The following SPG11 variants were observed in gnomAD, a reference collection of about 807,000 sequenced individuals.
The protein encoded by SPG11 is spatacsin.
In SPG11, 222 loss-of-function variants were observed where a neutral mutation model predicts 274.0. The observed-to-expected ratio is 0.81, with a 90% CI of 0.73 to 0.91. The LOEUF is 0.91. Among genes scored for constraint, SPG11 ranks in the 40% least tolerant of loss-of-function variants. The pLI, the probability that SPG11 is intolerant of heterozygous loss-of-function variation, is 0.00. For synonymous variants in SPG11, 1,144 were observed against 1,039.7 expected, an observed-to-expected ratio of 1.10 and a Z score of -1.93; for missense variants, 3,114 against 2,872.7, an observed-to-expected ratio of 1.08 and a Z score of -1.92.
At position 44,591,851 on chromosome 15, in the gene SPG11, T is replaced by C. The variant is rs2082906804; in HGVS notation, c.4743+480A>G. Among the ~76,000 whole-genome samples, 3 of 152,150 alleles carry C rather than the reference T, an allele frequency of 2.0e-5. No homozygotes were observed. The South Asian group carries it at 6.2e-4, about 32-fold the overall frequency. ...ATGATCGGGTGCAGTGGCTTACGCC[T>C]GTAATCCCAGCACTTCAGGAGGCTG... On this transcript the variant is annotated intron_variant, in intron 27 of 39. Coordinates refer to ENST00000261866, the MANE Select transcript of SPG11 (RefSeq NM_025137.4).
intron 28 of SPG11, 133 bp downstream of exon 28, chr15:44,589,119 C>CT: frequency 1.2e-6 from 1 of 843,840 alleles, no homozygotes; most frequent in Non-Finnish European, 1.9e-6. Flanking sequence ...TTCTCTGTAA[C>CT]TTGTTTACTC....
chr15:44,657,008 T>TAAA, intron 4 of SPG11, 87 bp downstream of exon 4: 40 of 998,474 alleles, frequency 4.0e-5, no homozygotes, highest in Non-Finnish European at 5.1e-5. Context: ...AAACACTAGT[T>TAAA]AAAAAAAAAA....
chr15:44,629,254 C>A lies in SPG11; in HGVS notation c.1870G>T (p.Glu624Ter). Residue 624 changes from glutamate to a stop codon, truncating the protein, a stop_gained, in exon 9 of 40, where the codon GAG (glutamate) becomes TAG (stop). Coordinates refer to ENST00000261866, the MANE Select transcript of SPG11 (RefSeq NM_025137.4). LOFTEE classifies it high-confidence loss of function. ...TLSFLNNQIKELFIHTEELDE... is the reference protein window; with the variant it reads ...TLSFLNNQIK Reference sequence around the variant, plus strand: ...TTACCTTCAGTGTGAATGAAAAGCTCCTTTATTTGGTTGTTAAGGAAAGAC... The same window carrying A: ...TTACCTTCAGTGTGAATGAAAAGCTACTTTATTTGGTTGTTAAGGAAAGAC... 1 of 1,614,068 alleles carries A rather than the reference C, an allele frequency of 6.2e-7. No individual in the cohort carries two copies. The highest frequency in any genetic ancestry group is 1.1e-5 in the South Asian group (1 of 91,078).
chr15:44,616,421 C>T (rs575519086), intron 15 of SPG11, among the ~76,000 whole-genome samples: 25 of 152,202 alleles, frequency 1.6e-4, no homozygotes, highest in African/African-American at 6.0e-4. Context: ...TGGTCTTGAA[C>T]TCCTGGACTC....
chr15:44,663,544 G>T lies in SPG11; in HGVS notation c.104C>A (p.Ala35Asp). The T allele has an allele frequency of 1.9e-6, 3 of 1,597,492 alleles. No individual in the cohort carries two copies. The highest frequency in any genetic ancestry group is 2.6e-6 in the Non-Finnish European group (3 of 1,173,194). ...VLPMLLVPVP[A>D]EAMGQLGSRA... Reference sequence around the variant, plus strand: ...GGAGCCGAGCTGCCCCATCGCCTCGGCGGGGACTGGCACCAACAGCATCGG... The same window carrying T: ...GGAGCCGAGCTGCCCCATCGCCTCGTCGGGGACTGGCACCAACAGCATCGG... The change falls in exon 1 of 40, where the codon GCC (alanine) becomes GAC (aspartate). Residue 35 changes from alanine (A) to aspartate (D), a missense_variant. Ala to Asp is a moderately radical substitution (Grantham distance 126). Transcript: ENST00000261866.
chr15:44,575,604 C>T (rs1463169857), intron 30 of SPG11, among the ~76,000 whole-genome samples: 2 of 151,172 alleles, frequency 1.3e-5, no homozygotes, highest in Non-Finnish European at 2.9e-5. Context: ...AATAGATTCT[C>T]GTGCCTCAGC....
chr15:44,602,688 T>G (rs1183904490), intron 20 of SPG11, among the ~76,000 whole-genome samples: 2 of 152,080 alleles, frequency 1.3e-5, no homozygotes, highest in African/African-American at 2.4e-5. Flanking sequence ...TTCACCGTGT[T>G]AGCCAGGATG....
intron 7 of SPG11, among the ~76,000 whole-genome samples, chr15:44,636,895 C>T (rs965646740): frequency 6.9e-5 from 8 of 115,714 alleles, no homozygotes; most frequent in South Asian, 5.8e-4. Context: ...CATTGCACTC[C>T]GGTGTGGGCA....
chr15:44,619,875 C>T (rs889379106), intron 15 of SPG11, among the ~76,000 whole-genome samples: 4 of 151,862 alleles, frequency 2.6e-5, no homozygotes, highest in African/African-American at 9.7e-5. Flanking sequence ...CGGCATTATG[C>T]CTGGCTAATT....
rs754536969 is a variant in SPG11 at position 44,589,354 on chromosome 15, C to A, written c.4804G>T (p.Val1602Leu). ...VIPAMWLEDQ[V>L]CFLLKLMLQQ... is the part of the protein sequence containing the mutation. ...AGCATAAGCTTCAAAAGGAAACACA[C>A]CTGATCCTCCAGCCACATGGCAGGG... Residue 1602 changes from valine to leucine, a missense_variant, in exon 28 of 40, where the codon GTG becomes TTG. Physicochemically the swap from Val to Leu is conservative, Grantham distance 32 (BLOSUM62 1). Transcript: ENST00000261866. 2.5e-6 allele frequency: 4 copies of A among 1,614,154 alleles called. No individual in the cohort carries two copies. The East Asian group carries it at 8.9e-5, about 36-fold the overall frequency.
Position 44,657,160 on chromosome 15 carries a change from G to A in SPG11, c.804C>T (p.Leu268=), listed in dbSNP as rs767184353. The A allele has an allele frequency of 6.2e-7, 1 of 1,614,188 alleles. No individual in the cohort carries two copies. The highest frequency in any genetic ancestry group is 8.5e-7 in the Non-Finnish European group (1 of 1,180,026). ...SFTSLKVSQD[L]DVAVIVSSSN... is the part of the protein sequence containing the mutation. ...AGGAGCTGACAATCACTGCAACATC[G>A]AGGTCTTGAGAAACTTTCAGTGAAG... Residue 268 remains leucine (L), a synonymous_variant, in exon 4 of 40, where the codon CTC becomes CTT. Transcript: ENST00000261866.
chr15:44,575,087 G>A (rs780200553), intron 30 of SPG11, 46 bp from the exon 31 acceptor site: 2 of 1,610,898 alleles, frequency 1.2e-6, no homozygotes, highest in South Asian at 2.2e-5. Context: ...GGGAGGTTCT[G>A]GCCTCTCCCT....
chr15:44,659,181 T>C lies in SPG11; in HGVS notation c.565A>G (p.Asn189Asp). The C allele has an allele frequency of 6.2e-7, 1 of 1,614,230 alleles. No individual in the cohort carries two copies. Among genetic ancestry groups the C allele is most frequent in the Non-Finnish European group, 8.5e-7 (1 of 1,180,028 alleles). ...GCAGGCAAGGGAAGTGTGAAACAGT[T>C]GAGTACTCTAATTGCAGCATCTCTT... The part of the protein sequence containing the change: ...PERDAAIRVL[N>D]CFTLPLPAQA... The change falls in exon 3 of 40, where the codon AAC becomes GAC. Residue 189 changes from asparagine (N) to aspartate (D), a missense_variant. Coordinates refer to ENST00000261866, the MANE Select transcript of SPG11 (RefSeq NM_025137.4).
intron 11 of SPG11, 48 bp downstream of exon 11, chr15:44,626,283 G>C: frequency 6.8e-7 from 1 of 1,479,030 alleles, no homozygotes; most frequent in Non-Finnish European, 9.2e-7. Flanking sequence ...ATAATAACTA[G>C]AAATTATATT....
At chr15:44,640,881 C>A (rs2084419742) in intron 7 of SPG11, among the ~76,000 whole-genome samples, 1 of 152,126 alleles carries the variant, frequency 6.6e-6, no homozygotes, top group Non-Finnish European at 1.5e-5. Context: ...CAGGTGTGCA[C>A]CACCATGCCC....
At chr15:44,634,878 C>T (rs1176766825) in intron 7 of SPG11, among the ~76,000 whole-genome samples, 1 of 152,124 alleles carries the variant, frequency 6.6e-6, no homozygotes, top group Admixed American at 6.5e-5. Flanking sequence ...TCGCACCTGG[C>T]TGCATTCTAT....
Position 44,567,448 on chromosome 15 carries a change from T to C in SPG11, c.6730A>G (p.Lys2244Glu). 1 of 1,613,902 alleles carries C rather than the reference T, an allele frequency of 6.2e-7. No homozygotes were observed. Among genetic ancestry groups the C allele is most frequent in the Non-Finnish European group, 8.5e-7 (1 of 1,179,972 alleles). ...NHEAAARIQL[K>E]LIESQPWEDS... ...CCCCAGGGCTGAGACTCAATCAATT[T>C]CAGTTGGATGCGGGCAGCTGCCTCG... The change falls in exon 36 of 40, where the codon AAA (lysine) becomes GAA (glutamate). Residue 2244 changes from lysine (K) to glutamate (E), a missense_variant. Physicochemically the swap from Lys to Glu is moderately conservative, Grantham distance 56 (BLOSUM62 1). Coordinates refer to ENST00000261866, the MANE Select transcript of SPG11 (RefSeq NM_025137.4).
chr15:44,642,373 A>AG (rs2084477618), intron 7 of SPG11, among the ~76,000 whole-genome samples: 1 of 150,244 alleles, frequency 6.7e-6, no homozygotes, highest in Non-Finnish European at 1.5e-5. Flanking sequence ...TCAAAAAAAA[A>AG]AAAAAGAAAA....
intron 7 of SPG11, among the ~76,000 whole-genome samples, chr15:44,636,812 G>A (rs2084269039): frequency 6.6e-6 from 1 of 151,348 alleles, no homozygotes; most frequent in Non-Finnish European, 1.5e-5. Flanking sequence ...TGTAATCCCA[G>A]CTACTTGGGA....
Sources: allele counts gnomAD v4.1 joint callset (sites outside exome capture counted in the v4.1 genomes callset), GRCh38; gene constraint gnomAD v4.1.1; transcripts MANE v1.5; gene names NCBI Gene and HGNC (gene_info 2026-07-23, HGNC 2026-07-21).